TENM2: variants seen among roughly 807,000 people sequenced by gnomAD.
The protein encoded by TENM2 is teneurin transmembrane protein 2, also known as teneurin-2.
In TENM2, 52 loss-of-function variants were observed where a neutral mutation model predicts 245.2. The observed-to-expected ratio is 0.21, with a 90% CI of 0.17 to 0.27. The LOEUF (loss-of-function observed/expected upper bound fraction) is 0.27. TENM2 is among the 10% of genes least tolerant of loss of function. The pLI is 1.00. For missense variants in TENM2, 3,046 were observed against 3,666.8 expected (o/e 0.83, Z 4.37); for synonymous variants, 1,363 against 1,438.9 (o/e 0.95, Z 1.19).
the TENM2 span, among the ~76,000 whole-genome samples, chr5:167,090,515 C>T: frequency 6.6e-6 from 1 of 152,260 alleles, no homozygotes; most frequent in East Asian, 1.9e-4. Flanking sequence ...TGGTTGTTAA[C>T]TAATATATAC....
intron 2 of TENM2, among the ~76,000 whole-genome samples, chr5:167,494,505 C>T (rs558946050): frequency 6.6e-6 from 1 of 152,052 alleles, no homozygotes; most frequent in Non-Finnish European, 1.5e-5. Context: ...ATTGCTTGCT[C>T]ATTCGTCCAT....
the TENM2 span, among the ~76,000 whole-genome samples, chr5:167,173,706 AGTGTGT>A: frequency 1.1e-4 from 16 of 144,334 alleles, no homozygotes; most frequent in African/African-American, 3.2e-4. Flanking sequence ...AGGTGATTTG[AGTGTGT>A]GTGTGTGTGT....
intron 5 of TENM2, among the ~76,000 whole-genome samples, chr5:168,040,493 T>C (rs1788091320): frequency 6.6e-6 from 1 of 152,200 alleles, no homozygotes; most frequent in Non-Finnish European, 1.5e-5. Context: ...AAGGGATTTG[T>C]GGGTGTAACT....
intron 2 of TENM2, among the ~76,000 whole-genome samples, chr5:167,482,538 A>G (rs1767820115): frequency 6.6e-6 from 1 of 152,126 alleles, no homozygotes; most frequent in South Asian, 2.1e-4. Context: ...CTTTCATTCC[A>G]TATGTAATTC....
chr5:167,766,038 G>T (rs1309111784), intron 2 of TENM2, among the ~76,000 whole-genome samples: 1 of 152,096 alleles, frequency 6.6e-6, no homozygotes, highest in Non-Finnish European at 1.5e-5. Context: ...CAGAGAGAGA[G>T]ACAATAAAAT....
At chr5:167,722,027 T>C (rs1759663421) in intron 2 of TENM2, among the ~76,000 whole-genome samples, 1 of 152,232 alleles carries the variant, frequency 6.6e-6, no homozygotes, top group Admixed American at 6.5e-5. Context: ...CCAAAGATGC[T>C]GAGTAGGCTC....
chr5:167,086,248 C>A, the TENM2 span, among the ~76,000 whole-genome samples: 1 of 152,210 alleles, frequency 6.6e-6, no homozygotes, highest in Non-Finnish European at 1.5e-5. Context: ...TTCTCCCTCT[C>A]GCTTTCTATG....
chr5:167,153,120 C>CAG, the TENM2 span, among the ~76,000 whole-genome samples: 4 of 151,190 alleles, frequency 2.6e-5, no homozygotes, highest in African/African-American at 9.7e-5. Context: ...CACACACACA[C>CAG]AGATACACAT....
intron 4 of TENM2, among the ~76,000 whole-genome samples, chr5:167,964,079 C>T (rs979160899): frequency 1.3e-5 from 2 of 152,220 alleles, no homozygotes; most frequent in Non-Finnish European, 2.9e-5. Context: ...CCACCTTCCT[C>T]CCAGCCTATT....
chr5:167,856,364 T>C (rs1206966140), intron 2 of TENM2, among the ~76,000 whole-genome samples: 2 of 152,140 alleles, frequency 1.3e-5, no homozygotes, highest in African/African-American at 4.8e-5. Context: ...AATGGGTTAT[T>C]ATGTTGGGAA....
chr5:167,470,925 C>T (rs1161414159), intron 2 of TENM2, among the ~76,000 whole-genome samples: 1 of 152,138 alleles, frequency 6.6e-6, no homozygotes, highest in Non-Finnish European at 1.5e-5. Context: ...GATGAAAGAG[C>T]AATTGAATGA....
chr5:167,820,062 A>G (rs1328369285), intron 2 of TENM2, among the ~76,000 whole-genome samples: 1 of 152,116 alleles, frequency 6.6e-6, no homozygotes, highest in Non-Finnish European at 1.5e-5. Flanking sequence ...GCATTTCCCA[A>G]ACTGTTATCT....
Position 168,189,513 on chromosome 5 carries a change from G to A in TENM2, c.2570-824G>A, listed in dbSNP as rs568267087. ...TAGAGGCACAGGACTCTAGGCAAGTGCATAATAATGTTCCGAGTCCTGAGG... is the reference window on the plus strand; with the variant it reads ...TAGAGGCACAGGACTCTAGGCAAGTACATAATAATGTTCCGAGTCCTGAGG... On this transcript the variant is annotated intron_variant, in intron 13 of 28. Coordinates refer to ENST00000518659, the Ensembl canonical transcript of TENM2. Among the ~76,000 whole-genome samples the A allele has an allele frequency of 3.3e-5, 5 of 152,290 alleles. No individual in the cohort carries two copies. In the South Asian group the frequency reaches 1.0e-3, roughly 32 times the overall value.
intron 2 of TENM2, among the ~76,000 whole-genome samples, chr5:167,811,332 T>G (rs1327569975): frequency 6.6e-6 from 1 of 152,036 alleles, no homozygotes. Flanking sequence ...CTTGCAATAG[T>G]GAGTTCTCAT....
At chr5:167,101,427 C>G in the TENM2 span, among the ~76,000 whole-genome samples, 2 of 152,098 alleles carry the variant, frequency 1.3e-5, no homozygotes, top group African/African-American at 2.4e-5. Context: ...CACAATAACA[C>G]TTGCTAAGAC....
intron 2 of TENM2, among the ~76,000 whole-genome samples, chr5:167,549,231 G>C (rs1017092584): frequency 1.3e-5 from 2 of 151,960 alleles, no homozygotes; most frequent in African/African-American, 4.8e-5. Context: ...TATAAGCTTT[G>C]TTTTATTTTA....
intron 5 of TENM2, among the ~76,000 whole-genome samples, chr5:168,036,962 C>T (rs1258327794): frequency 2.6e-5 from 4 of 151,818 alleles, no homozygotes; most frequent in Admixed American, 6.6e-5. Flanking sequence ...TGACATTAAG[C>T]ATATCAGAGG....
chr5:168,071,851 G>A (rs1791037248), intron 7 of TENM2, among the ~76,000 whole-genome samples: 2 of 152,334 alleles, frequency 1.3e-5, no homozygotes, highest in African/African-American at 2.4e-5. Flanking sequence ...CGAACTCACA[G>A]TGCCCCTCAG....
chr5:167,164,590 T>A, the TENM2 span, among the ~76,000 whole-genome samples: 1 of 152,198 alleles, frequency 6.6e-6, no homozygotes. Flanking sequence ...GCTCTTTTTT[T>A]AAGCTTCATT....
Sources: allele counts gnomAD v4.1 joint callset (sites outside exome capture counted in the v4.1 genomes callset), GRCh38; gene constraint gnomAD v4.1.1; transcripts MANE v1.5; gene names NCBI Gene and HGNC (gene_info 2026-07-23, HGNC 2026-07-21).